ZNF726: variants seen among roughly 807,000 people sequenced by gnomAD.
ZNF726 encodes zinc finger protein 92 pseudogene 3.
Under a neutral mutation model 11.6 loss-of-function variants are expected in ZNF726, and 15 were observed. The ratio of observed to expected loss-of-function variants is 1.29; its 90% CI spans 0.86 to 1.99. The LOEUF (loss-of-function observed/expected upper bound fraction) is 1.99. Among genes scored for constraint, ZNF726 ranks in the 30% most tolerant of loss-of-function variants. ZNF726 has a pLI of 0.00. For missense variants in ZNF726, 890 were observed against 725.6 expected, an observed-to-expected ratio of 1.23 and a Z score of -2.60; for synonymous variants, 295 against 243.6, an observed-to-expected ratio of 1.21 and a Z score of -1.96.
chr19:23,924,263 A>G (rs1277702833), intron 3 of ZNF726, among the ~76,000 whole-genome samples: 1 of 150,252 alleles, frequency 6.7e-6, no homozygotes, highest in Non-Finnish European at 1.5e-5. Flanking sequence ...CATGTTGGTC[A>G]GGCTGGTCTC....
At position 23,933,345 on chromosome 19, in the gene ZNF726, C is replaced by T; in HGVS notation, c.1229C>T (p.Ser410Leu). The change falls in exon 4 of 4, where the codon TCA becomes TTA. Residue 410 changes from serine (S) to leucine (L), a missense_variant. Ser to Leu is a moderately radical substitution (Grantham distance 145). Coordinates refer to ENST00000594466, the MANE Select transcript of ZNF726 (RefSeq NM_001244038.2). ...TGTGGCAAAGCTTTTCATCGATCCT[C>T]AAATCTTACTAAACATAAGATAATT... ...EECGKAFHRS[S>L]NLTKHKIIHT... 6.2e-7 allele frequency: 1 copy of T among 1,613,084 alleles called. No homozygotes were observed. The highest frequency in any genetic ancestry group is 8.5e-7 in the Non-Finnish European group (1 of 1,179,882).
At chr19:23,942,095 A>G (rs1343215565) in intron 3 of ZNF726, among the ~76,000 whole-genome samples, 3 of 152,080 alleles carry the variant, frequency 2.0e-5, no homozygotes, top group Non-Finnish European at 4.4e-5. Flanking sequence ...TGATGTAGGC[A>G]TTTAGGGATA....
chr19:23,943,752 A>G (rs942715039), intron 4 of ZNF726: 2 of 433,420 alleles, frequency 4.6e-6, no homozygotes, highest in African/African-American at 2.0e-5. Flanking sequence ...TTTTTGTCCC[A>G]TACCCTTAAA....
chr19:23,930,214 G>T (rs1373369313), intron 3 of ZNF726, among the ~76,000 whole-genome samples: 2 of 151,888 alleles, frequency 1.3e-5, no homozygotes, highest in African/African-American at 4.8e-5. Context: ...AATATTATTG[G>T]TTAGAAATAT....
At chr19:23,939,677 C>G (rs919832706) in intron 3 of ZNF726, among the ~76,000 whole-genome samples, 4 of 152,080 alleles carry the variant, frequency 2.6e-5, no homozygotes, top group African/African-American at 7.2e-5. Flanking sequence ...GCATCCACGC[C>G]AACATCTACA....
chr19:23,916,042 T>G (rs1034209976), intron 1 of ZNF726, among the ~76,000 whole-genome samples: 7 of 152,154 alleles, frequency 4.6e-5, no homozygotes, highest in African/African-American at 1.4e-4. Context: ...TTTTTAGAAG[T>G]AGAAATCCAG....
In ZNF726 at chr19:23,934,040, C is replaced by G. The variant is rs537155773; in HGVS notation, c.*73C>G. ...CCTCAACGCTAAACATAAGAGGATG[C>G]ACACTGGAGAGAAACCCTACAAATG... On this transcript the variant is annotated 3_prime_UTR_variant, in exon 4 of 4. Coordinates refer to ENST00000594466, the MANE Select transcript of ZNF726 (RefSeq NM_001244038.2). 5.2e-4 allele frequency: 789 copies of G among 1,510,036 alleles called. No homozygotes were observed. The highest frequency in any genetic ancestry group is 7.0e-4 in the Non-Finnish European group (759 of 1,091,494). The allele number at this position is 1,510,036 out of a possible 1,614,324, so 93.5% of individuals were successfully genotyped here.
chr19:23,930,208 T>A (rs1968075796), intron 3 of ZNF726, among the ~76,000 whole-genome samples: 1 of 152,194 alleles, frequency 6.6e-6, no homozygotes, highest in Non-Finnish European at 1.5e-5. Context: ...AAATCAAATA[T>A]TATTGGTTAG....
intron 3 of ZNF726, among the ~76,000 whole-genome samples, chr19:23,941,876 A>G (rs1164881096): frequency 6.6e-6 from 1 of 152,014 alleles, no homozygotes; most frequent in Non-Finnish European, 1.5e-5. Context: ...TTCTTGGTTA[A>G]TCTTGCTAAT....
In ZNF726 at chr19:23,932,843, A is replaced by T. The variant is rs767402185; in HGVS notation, c.727A>T (p.Asn243Tyr). The T allele has an allele frequency of 6.2e-7, 1 of 1,606,666 alleles. No homozygotes were observed. The highest frequency in any genetic ancestry group is 2.2e-5 in the East Asian group (1 of 44,754). Residue 243 changes from asparagine to tyrosine, a missense_variant, in exon 4 of 4, where the codon AAT becomes TAT. Physicochemically the swap from Asn to Tyr is moderately radical, Grantham distance 143. Coordinates refer to ENST00000594466, the MANE Select transcript of ZNF726 (RefSeq NM_001244038.2). ...EYGKAFNQSS[N>Y]YTTHKVTHTG... The stretch of plus-strand genomic sequence containing the variant: ...TGGCAAAGCTTTTAATCAATCCTCA[A>T]ATTATACTACACATAAGGTAACTCA...
Position 23,932,482 on chromosome 19 carries a change from G to A in ZNF726, c.366G>A (p.Glu122=). The A allele has an allele frequency of 6.3e-7, 1 of 1,590,816 alleles. No homozygotes were observed. Among genetic ancestry groups the A allele is most frequent in the Non-Finnish European group, 8.5e-7 (1 of 1,172,344 alleles). The change falls in exon 4 of 4, where the codon GAG becomes GAA. Residue 122 remains glutamate, a synonymous_variant. Coordinates refer to ENST00000594466, the MANE Select transcript of ZNF726 (RefSeq NM_001244038.2). Reference sequence around the variant, plus strand: ...GAAAAGGTTGTAAAAGTGTGGATGAGTGTAAGGTACACAAAGAAGGTTATA... The same window carrying A: ...GAAAAGGTTGTAAAAGTGTGGATGAATGTAAGGTACACAAAGAAGGTTATA... The part of the protein sequence containing the change: ...QLRKGCKSVD[E]CKVHKEGYNG...
At chr19:23,919,902 TTA>T in intron 2 of ZNF726, 83 bp from the exon 3 acceptor site, 1 of 804,074 alleles carries the variant, frequency 1.2e-6, no homozygotes, top group South Asian at 1.6e-5. Flanking sequence ...GAATATTCTA[TTA>T]TATCCCTTTT....
In ZNF726 at chr19:23,932,611, A is replaced by G. The variant is rs752469226; in HGVS notation, c.495A>G (p.Ile165Met). ...TTATAAATTTAAACAGATATAAGAT[A>G]AGACATACTAGAAAGAAACCTTTCA... is the stretch of plus-strand genomic sequence containing the variant. The part of the protein sequence containing the change: ...YKFINLNRYK[I>M]RHTRKKPFKC... Residue 165 changes from isoleucine to methionine, a missense_variant, in exon 4 of 4, where the codon ATA becomes ATG. Ile to Met is a conservative substitution (Grantham distance 10). Coordinates refer to ENST00000594466, the MANE Select transcript of ZNF726 (RefSeq NM_001244038.2). The G allele has an allele frequency of 1.3e-6, 2 of 1,542,498 alleles. No homozygotes were observed. Among genetic ancestry groups the G allele is most frequent in the Non-Finnish European group, 1.7e-6 (2 of 1,145,830 alleles).
At chr19:23,944,510 TTTA>T (rs1224992851) in intron 4 of ZNF726, 1 of 152,782 alleles carries the variant, frequency 6.5e-6, no homozygotes. Flanking sequence ...AATGGGATTC[TTTA>T]TTATTATGAT....
chr19:23,934,171 C>T lies in ZNF726; in HGVS notation c.*204C>T. On this transcript the variant is annotated 3_prime_UTR_variant, in exon 4 of 4. Transcript: ENST00000594466. ...TGAAGAATGTGGGAAAGCTTTTAATCATTCTCAAATCTTACTACACATAAG... is the reference window on the plus strand; with the variant it reads ...TGAAGAATGTGGGAAAGCTTTTAATTATTCTCAAATCTTACTACACATAAG... 1 of 837,216 alleles carries T rather than the reference C, an allele frequency of 1.2e-6. No homozygotes were observed. The allele number at this position is 837,216 out of a possible 1,614,324, so 51.9% of individuals were successfully genotyped here. A position where few individuals can be genotyped will look rare whatever the true frequency, so the allele number is the denominator to read the frequency against.
intron 3 of ZNF726, among the ~76,000 whole-genome samples, chr19:23,925,940 C>T (rs1967976666): frequency 6.6e-6 from 1 of 151,888 alleles, no homozygotes; most frequent in Admixed American, 6.6e-5. Flanking sequence ...TGGTCTGGAA[C>T]ACCTGTCCTC....
intron 3 of ZNF726, among the ~76,000 whole-genome samples, chr19:23,925,400 G>T (rs976792997): frequency 6.6e-6 from 1 of 151,854 alleles, no homozygotes; most frequent in Non-Finnish European, 1.5e-5. Flanking sequence ...CACCATGTTG[G>T]TCAGGCTGGT....
At chr19:23,921,380 A>G (rs376131264) in intron 3 of ZNF726, 5 of 152,412 alleles carry the variant, frequency 3.3e-5, no homozygotes, top group Admixed American at 2.6e-4. Context: ...TGGCTATTCA[A>G]AATTTATTGT....
rs1250572192 is a variant in ZNF726 at position 23,932,953 on chromosome 19, T to C, written c.837T>C (p.His279=). ...CACTAACCATACATAAGAGGATACA[T>C]ACTGGAGAGAAACCCTGCAAATGTG... The part of the protein sequence containing the change: ...SSTLTIHKRI[H]TGEKPCKCEE... Residue 279 remains histidine (H), a synonymous_variant, in exon 4 of 4, where the codon CAT becomes CAC. Transcript: ENST00000594466. 1.2e-6 allele frequency: 2 copies of C among 1,611,552 alleles called. No homozygotes were observed. The highest frequency in any genetic ancestry group is 1.7e-6 in the Non-Finnish European group (2 of 1,179,586).
Sources: gnomAD v4.1 joint callset for allele counts (sites outside exome capture counted in the v4.1 genomes callset) on GRCh38, gnomAD v4.1.1 for gene constraint, MANE v1.5 for transcripts, NCBI Gene and HGNC (gene_info 2026-07-23, HGNC 2026-07-21) for gene names.